Variants in HK3 observed in about 807,000 individuals in gnomAD.
HK3 encodes the protein hexokinase 3.
HK3 carries 93 observed loss-of-function variants against 91.0 expected under a neutral mutation model. The observed-to-expected ratio is 1.02, with a 90% CI of 0.86 to 1.21. The LOEUF (loss-of-function observed/expected upper bound fraction) is 1.21. HK3 is among the 50% of genes most tolerant of loss of function. The pLI is 0.00. For missense variants in HK3, 1,235 were observed against 1,247.4 expected, an observed-to-expected ratio of 0.99 and a Z score of 0.15; for synonymous variants, 519 against 516.9, an observed-to-expected ratio of 1.00 and a Z score of -0.06.
intron 13 of HK3, among the ~76,000 whole-genome samples, chr5:176,886,667 A>T (rs1269145962): frequency 6.6e-6 from 1 of 152,168 alleles, no homozygotes; most frequent in East Asian, 1.9e-4. Context: ...AAAAACCCCA[A>T]GCGACCTCAA....
chr5:176,898,061 T>C (rs1441746858), intron 1 of HK3, among the ~76,000 whole-genome samples: 1 of 152,196 alleles, frequency 6.6e-6, no homozygotes. Flanking sequence ...ACCTCCTCTA[T>C]GCAATTGGAT....
At chr5:176,896,732 C>CA (rs930215618) in intron 1 of HK3, among the ~76,000 whole-genome samples, 29 of 152,282 alleles carry the variant, frequency 1.9e-4, no homozygotes, top group Admixed American at 1.3e-3. Flanking sequence ...ATCCTGAAGG[C>CA]AACAGGGGTC....
chr5:176,890,665 C>G lies in HK3; in HGVS notation c.600G>C (p.Gln200His). The change falls in exon 6 of 19, where the codon CAG (glutamine) becomes CAC (histidine). Residue 200 changes from glutamine to histidine, a missense_variant. By Grantham distance (24) the Gln-to-His change is conservative. This residue lies in a region of HK3 where 717 missense variants were observed against 751.6 expected (regional missense o/e 0.95). Coordinates refer to ENST00000292432, the MANE Select transcript of HK3 (RefSeq NM_002115.3). ...GCCTCCGAATGGCATCTCTCAGCAGCTGGACCACATCCTGGCCTTCCACAC... is the reference window on the plus strand; with the variant it reads ...GCCTCCGAATGGCATCTCTCAGCAGGTGGACCACATCCTGGCCTTCCACAC... ...CSGVEGQDVV[Q>H]LLRDAIRRQG... The G allele has an allele frequency of 6.2e-7, 1 of 1,614,170 alleles. No homozygotes were observed. Among genetic ancestry groups the G allele is most frequent in the Non-Finnish European group, 8.5e-7 (1 of 1,180,002 alleles).
chr5:176,883,853 A>T lies in HK3; in HGVS notation c.1970T>A (p.Val657Glu). The change falls in exon 15 of 19, where the codon GTG becomes GAG. Residue 657 changes from valine to glutamate, a missense_variant. By Grantham distance (121) the Val-to-Glu change is moderately radical (BLOSUM62 -2). Transcript: ENST00000292432. Reference sequence around the variant, plus strand: ...CACCGTGTCATTGACAATGGCAACCACATTCAGCTCCACTGCCTGCACACA... The same window carrying T: ...CACCGTGTCATTGACAATGGCAACCTCATTCAGCTCCACTGCCTGCACACA... ...ITRRQAVELN[V>E]VAIVNDTVGT... is the part of the protein sequence containing the mutation. 1 of 1,614,060 alleles carries T rather than the reference A, an allele frequency of 6.2e-7. No individual in the cohort carries two copies. Among genetic ancestry groups the T allele is most frequent in the Admixed American group, 1.7e-5 (1 of 60,026 alleles).
At chr5:176,894,845 T>C (rs1239693444) in intron 2 of HK3, among the ~76,000 whole-genome samples, 5 of 151,206 alleles carry the variant, frequency 3.3e-5, no homozygotes, top group African/African-American at 1.2e-4. Context: ...GGTACGATCT[T>C]GGCTCACTGC....
chr5:176,887,705 G>T lies in HK3; in HGVS notation c.1346C>A (p.Pro449Gln). 1 of 1,612,954 alleles carries T rather than the reference G, an allele frequency of 6.2e-7. No individual in the cohort carries two copies. Residue 449 changes from proline to glutamine, a missense_variant, in exon 11 of 19, where the codon CCG becomes CAG. Pro to Gln is a moderately conservative substitution (Grantham distance 76). This residue lies in a region of HK3 where 717 missense variants were observed against 751.6 expected (regional missense o/e 0.95). Transcript: ENST00000292432. The surrounding 1 kb of genome is among the most constrained non-coding windows in gnomAD (Gnocchi z 4.9). Reference protein sequence around the residue: ...VLQGTVMLLAPECDVSLIPSV... With the variant: ...VLQGTVMLLAQECDVSLIPSV... The stretch of plus-strand genomic sequence containing the variant: ...GGGGATTAAGGAGACATCGCATTCC[G>T]GGGCCAGGAGCATCACTGTCCCCTG...
intron 1 of HK3, among the ~76,000 whole-genome samples, chr5:176,896,459 C>T (rs1758912011): frequency 1.3e-5 from 2 of 152,228 alleles, no homozygotes; most frequent in Non-Finnish European, 2.9e-5. Context: ...GTTCCTGATG[C>T]CTGCTATGCT....
rs774008286 is a variant in HK3, at chr5:176,888,458, G to A, written c.1178C>T (p.Thr393Met). The A allele has an allele frequency of 8.4e-6, 13 of 1,555,242 alleles. No homozygotes were observed. Among genetic ancestry groups the A allele is most frequent in the Middle Eastern group, 3.3e-4 (2 of 5,994 alleles). ...LVQHVCAAVCTRAAQLCAAAL... is the reference protein window; with the variant it reads ...LVQHVCAAVCMRAAQLCAAAL... ...GGCAGCACAGAGCTGGGCAGCCCGCGTGCACACGGCCGCACAGACGTGCTG... is the reference window on the plus strand; with the variant it reads ...GGCAGCACAGAGCTGGGCAGCCCGCATGCACACGGCCGCACAGACGTGCTG... Residue 393 changes from threonine to methionine, a missense_variant, in exon 10 of 19, where the codon ACG (threonine) becomes ATG (methionine). Coordinates refer to ENST00000292432, the MANE Select transcript of HK3 (RefSeq NM_002115.3).
rs748847467 is a variant in HK3, at chr5:176,887,571, G to T, written c.1480C>A (p.His494Asn). The T allele has an allele frequency of 6.2e-7, 1 of 1,613,914 alleles. No homozygotes were observed. Among genetic ancestry groups the T allele is most frequent in the Non-Finnish European group, 8.5e-7 (1 of 1,180,006 alleles). Residue 494 changes from histidine to asparagine, a missense_variant, in exon 11 of 19, where the codon CAT becomes AAT. Physicochemically the swap from His to Asn is moderately conservative, Grantham distance 68. Transcript: ENST00000292432. The surrounding 1 kb of genome is among the most constrained non-coding windows in gnomAD (Gnocchi z 4.9). ...EETLAPFRLN[H>N]DQLAAVQAQM... ...GCCTGAACCGCAGCCAGTTGATCAT[G>T]GTTCAACCGGAATGGGGCCAGGGTC...
Position 176,881,303 on chromosome 5 carries a change from G to C in HK3, c.2626C>G (p.Arg876Gly). 6.2e-7 allele frequency: 1 copy of C among 1,613,676 alleles called. No homozygotes were observed. The highest frequency in any genetic ancestry group is 8.5e-7 in the Non-Finnish European group (1 of 1,179,846). ...CCCAGCCCGCACACCCAGACTCACCGCGGGTGCAGCTTGTAGAGCGTTCCA... is the reference window on the plus strand; with the variant it reads ...CCCAGCCCGCACACCCAGACTCACCCCGGGTGCAGCTTGTAGAGCGTTCCA... ...VDGTLYKLHP[R>G]FSSLVAATVR... is the part of the protein sequence containing the mutation. Residue 876 changes from arginine to glycine, a missense_variant and splice_region_variant, in exon 18 of 19, where the codon CGC (arginine) becomes GGC (glycine). Transcript: ENST00000292432.
rs762872265 is a variant in HK3 at position 176,881,537 on chromosome 5, TG to T, written c.2394-3del. ...ACCTGCCGCAGGGCCAGGCTGTCACTGGGGGCCAGGAAGGAAGAGAGCACAG... is the reference window on the plus strand; with the variant it reads ...ACCTGCCGCAGGGCCAGGCTGTCACTGGGGCCAGGAAGGAAGAGAGCACAG... On this transcript the variant is annotated splice_polypyrimidine_tract_variant and splice_region_variant and intron_variant, in intron 17 of 18. Coordinates refer to ENST00000292432, the MANE Select transcript of HK3 (RefSeq NM_002115.3). The T allele has an allele frequency of 3.1e-6, 5 of 1,601,400 alleles. No individual in the cohort carries two copies. Among genetic ancestry groups the T allele is most frequent in the African/African-American group, 2.7e-5 (2 of 74,816 alleles).
At position 176,887,887 on chromosome 5, in the gene HK3, G is replaced by C. The variant is rs1758645511; in HGVS notation, c.1305-141C>G. On this transcript the variant is annotated intron_variant, in intron 10 of 18. Transcript: ENST00000292432. The surrounding 1 kb of genome is among the most constrained non-coding windows in gnomAD (Gnocchi z 4.9). Reference sequence around the variant, plus strand: ...ACCCCTAGGGCCTCCTGAAGCCCAAGGCCCCATCACTTTTTTTTTTTTATT... The same window carrying C: ...ACCCCTAGGGCCTCCTGAAGCCCAACGCCCCATCACTTTTTTTTTTTTATT... 2.7e-6 allele frequency: 2 copies of C among 746,088 alleles called. No individual in the cohort carries two copies. The highest frequency in any genetic ancestry group is 4.1e-5 in the South Asian group (2 of 48,906). 46.2% of individuals were successfully genotyped at this position (746,088 alleles called of 1,614,324 possible).
At chr5:176,888,922 C>A in intron 8 of HK3, 58 bp from the exon 9 acceptor site, 1 of 1,573,328 alleles carries the variant, frequency 6.4e-7, no homozygotes, top group South Asian at 1.1e-5. Context: ...TCCACCTGGC[C>A]CTACCTCCAA....
At chr5:176,881,598 C>T (rs1758430790) in intron 17 of HK3, 63 bp from the exon 18 acceptor site, 3 of 1,587,992 alleles carry the variant, frequency 1.9e-6, no homozygotes, top group Non-Finnish European at 8.6e-7. Context: ...CTTCATCCTC[C>T]AGAGCAGACC....
chr5:176,889,193 A>G (rs1035985025), intron 8 of HK3, among the ~76,000 whole-genome samples, 188 bp downstream of exon 8: 6 of 152,234 alleles, frequency 3.9e-5, no homozygotes, highest in Non-Finnish European at 8.8e-5. Context: ...AGGGTTGACA[A>G]TTCTGGATTC....
chr5:176,891,317 G>A (rs1360723656), intron 3 of HK3, 71 bp downstream of exon 3: 1 of 1,606,614 alleles, frequency 6.2e-7, no homozygotes, highest in Non-Finnish European at 8.5e-7. Context: ...ACAGGAATAA[G>A]GAACGTTTCC....
chr5:176,889,408 T>C lies in HK3; in HGVS notation c.887A>G (p.His296Arg), dbSNP rs768054017. Residue 296 changes from histidine to arginine, a missense_variant, in exon 8 of 19, where the codon CAT (histidine) becomes CGT (arginine). His to Arg is a conservative substitution (Grantham distance 29). Transcript: ENST00000292432. ...VLTTFDHTLDHESLNPGAQRF... is the reference protein window; with the variant it reads ...VLTTFDHTLDRESLNPGAQRF... The stretch of plus-strand genomic sequence containing the variant: ...CTGAGCACCAGGATTCAGGGACTCA[T>C]GGTCCAGGGTATGGTCGAAGGTGGT... 5 of 1,613,974 alleles carry C rather than the reference T, an allele frequency of 3.1e-6. No individual in the cohort carries two copies. Among genetic ancestry groups the C allele is most frequent in the East Asian group, 2.2e-5 (1 of 44,896 alleles).
Position 176,887,126 on chromosome 5 carries a change from G to A in HK3, c.1738-5C>T. The A allele has an allele frequency of 6.2e-7, 1 of 1,614,198 alleles. No homozygotes were observed. The highest frequency in any genetic ancestry group is 8.5e-7 in the Non-Finnish European group (1 of 1,180,038). On this transcript the variant is annotated splice_region_variant and splice_polypyrimidine_tract_variant and intron_variant, in intron 12 of 18. Transcript: ENST00000292432. This position sits in a 1 kb window ranked among gnomAD's most constrained non-coding sequence, Gnocchi z 4.9. ...GTCCACGATGTGGTCAAAGAGCTGT[G>A]GGGCAGGACAGGTCAGGCGTAGGCA...
rs115647650 is a variant in HK3 at position 176,884,854 on chromosome 5, A to C, written c.1858-720T>G. ...AAATTACTGCTTTGCTCAGAGGAGG[A>C]GCATGGAGGGTAGGTCAGGAAATCT... is the stretch of plus-strand genomic sequence containing the variant. On this transcript the variant is annotated intron_variant, in intron 13 of 18. Transcript: ENST00000292432. This position sits in a 1 kb window ranked among gnomAD's most constrained non-coding sequence, Gnocchi z 4.1. Among the ~76,000 whole-genome samples, 2 of 152,182 alleles carry C rather than the reference A, an allele frequency of 1.3e-5. No individual in the cohort carries two copies. Among genetic ancestry groups the C allele is most frequent in the African/African-American group, 4.8e-5 (2 of 41,428 alleles).
Sources: gnomAD v4.1 joint callset for allele counts (sites outside exome capture counted in the v4.1 genomes callset) on GRCh38, gnomAD v4.1.1 for gene constraint, gnomAD v4.1.1 regional missense constraint, Gnocchi (gnomAD v3.1) non-coding constraint, MANE v1.5 for transcripts, NCBI Gene and HGNC (gene_info 2026-07-23, HGNC 2026-07-21) for gene names.